CTNNA1: variants seen among roughly 807,000 people sequenced by gnomAD.
CTNNA1 encodes the protein catenin alpha 1.
CTNNA1 carries 37 observed loss-of-function variants against 98.4 expected under a neutral mutation model. The observed-to-expected ratio is 0.38, with a 90% CI of 0.29 to 0.49. The LOEUF is 0.49. CTNNA1 is among the 20% of genes least tolerant of loss of function. CTNNA1 has a pLI of 0.95. For missense variants in CTNNA1, 761 were observed against 1,147.2 expected (o/e 0.66, Z 4.86); for synonymous variants, 404 against 413.2 (o/e 0.98, Z 0.27).
At chr5:138,885,867 G>A (rs1753917489) in intron 7 of CTNNA1, among the ~76,000 whole-genome samples, 1 of 152,130 alleles carries the variant, frequency 6.6e-6, no homozygotes, top group Non-Finnish European at 1.5e-5. Context: ...AGTTCAAGGA[G>A]AGCTGCTTCA....
At chr5:138,770,194 T>C (rs1163582860) in intron 1 of CTNNA1, among the ~76,000 whole-genome samples, 1 of 152,238 alleles carries the variant, frequency 6.6e-6, no homozygotes, top group Non-Finnish European at 1.5e-5. Context: ...GTCCAATTGT[T>C]CTAAAACAAA....
At chr5:138,782,085 G>A (rs1755175808) in intron 2 of CTNNA1, 56 bp downstream of exon 2, 17 of 1,529,098 alleles carry the variant, frequency 1.1e-5, no homozygotes, top group Non-Finnish European at 1.5e-5. Flanking sequence ...ACAGGCCTGG[G>A]TAACAACCAT....
chr5:138,898,158 A>AC (rs201549123), intron 9 of CTNNA1, among the ~76,000 whole-genome samples: 3,189 of 61,252 alleles, frequency 0.052, 55 homozygotes, highest in Non-Finnish European at 0.073. Context: ...TTCCTCCCCC[A>AC]CCCCCCCCCA....
intron 7 of CTNNA1, among the ~76,000 whole-genome samples, chr5:138,883,807 G>A (rs946452517): frequency 1.3e-5 from 2 of 152,170 alleles, no homozygotes; most frequent in Non-Finnish European, 1.5e-5. Context: ...GTATCTTAAG[G>A]AATATGCTGA....
intron 7 of CTNNA1, among the ~76,000 whole-genome samples, chr5:138,845,502 C>CA (rs1762631065): frequency 6.6e-6 from 1 of 152,218 alleles, no homozygotes; most frequent in African/African-American, 2.4e-5. Flanking sequence ...TACTGTTTGT[C>CA]ACGTAGATAG....
At chr5:138,910,146 G>A (rs1489408075) in intron 10 of CTNNA1, among the ~76,000 whole-genome samples, 1 of 151,412 alleles carries the variant, frequency 6.6e-6, no homozygotes, top group African/African-American at 2.4e-5. Context: ...CCCCACAGAG[G>A]TGCTGTGCTC....
At chr5:138,825,482 G>GGTTTTTTTTTTTTTTTTTT (rs1760578153) in intron 6 of CTNNA1, among the ~76,000 whole-genome samples, 1 of 74,114 alleles carries the variant, frequency 1.3e-5, no homozygotes, top group African/African-American at 5.8e-5. Context: ...AGCAGTATAA[G>GGTTTTTTTTTTTTTTTTTT]TTTTTTTTTT....
At position 138,874,591 on chromosome 5, in the gene CTNNA1, G is replaced by A. The variant is rs1435117559; in HGVS notation, c.1063-11621G>A. The stretch of plus-strand genomic sequence containing the variant: ...ATAATTTAAGGAAAACAAGAAGATA[G>A]GATATTTTTCAGCAGAACATATGGG... On this transcript the variant is annotated intron_variant, in intron 7 of 17. Coordinates refer to ENST00000302763, the MANE Select transcript of CTNNA1 (RefSeq NM_001903.5). The surrounding 1 kb of genome is among the most constrained non-coding windows in gnomAD (Gnocchi z 4.1). The A allele has an allele frequency of 5.9e-6, 8 of 1,363,120 alleles. No individual in the cohort carries two copies. The highest frequency in any genetic ancestry group is 1.5e-5 in the South Asian group (1 of 68,534). The allele number at this position is 1,363,120 out of a possible 1,614,324, so 84.4% of individuals were successfully genotyped here. A position where few individuals can be genotyped will look rare whatever the true frequency, so the allele number is the denominator to read the frequency against.
intron 1 of CTNNA1, among the ~76,000 whole-genome samples, chr5:138,760,766 T>C (rs573210412): frequency 2.0e-5 from 3 of 152,338 alleles, no homozygotes; most frequent in African/African-American, 7.2e-5. Context: ...AAATGTACTT[T>C]ATCATCACCT....
At chr5:138,779,722 TG>T (rs367658555) in intron 1 of CTNNA1, among the ~76,000 whole-genome samples, 3,109 of 21,526 alleles carry the variant, frequency 0.14, 66 homozygotes, top group East Asian at 0.45. Flanking sequence ...TTTTTGTTTT[TG>T]TTTTTTTTTT....
chr5:138,783,501 T>C (rs894703416), intron 3 of CTNNA1, 129 bp downstream of exon 3: 22 of 728,646 alleles, frequency 3.0e-5, no homozygotes, highest in Non-Finnish European at 4.5e-5. Flanking sequence ...ACTTAGTTAT[T>C]GGAGATGTAT....
chr5:138,857,415 A>G (rs886594920), intron 7 of CTNNA1, among the ~76,000 whole-genome samples: 2 of 152,152 alleles, frequency 1.3e-5, no homozygotes, highest in Admixed American at 6.5e-5. Context: ...GTACCCAGCC[A>G]TATTGAAATC....
At chr5:138,804,395 A>C (rs1045808350) in intron 3 of CTNNA1, among the ~76,000 whole-genome samples, 3 of 152,274 alleles carry the variant, frequency 2.0e-5, no homozygotes, top group Admixed American at 1.3e-4. Context: ...TGCAGCCATC[A>C]CCACTGTGTA....
At chr5:138,861,213 G>T (rs1471613425) in intron 7 of CTNNA1, among the ~76,000 whole-genome samples, 1 of 152,050 alleles carries the variant, frequency 6.6e-6, no homozygotes, top group South Asian at 2.1e-4. Context: ...TAGAGACGGG[G>T]TTTCACCATG....
In CTNNA1 at chr5:138,884,190, G is replaced by A. The variant is rs73263488; in HGVS notation, c.1063-2022G>A. Among the ~76,000 whole-genome samples the A allele has an allele frequency of 2.2e-3, 331 of 152,292 alleles. 2 individuals carry two copies. Among genetic ancestry groups the A allele is most frequent in the African/African-American group, 7.6e-3 (314 of 41,562 alleles). On this transcript the variant is annotated intron_variant, in intron 7 of 17. Transcript: ENST00000302763. ...GGACAGTTTGAAAGGGTTGGTGGGG[G>A]GCTTCCAGGTCATAGGTGGATTCAA...
At chr5:138,881,249 G>T (rs1476323956) in intron 7 of CTNNA1, 13 of 383,158 alleles carry the variant, frequency 3.4e-5, no homozygotes, top group African/African-American at 1.5e-4. Flanking sequence ...TCTTTGAAAA[G>T]AATTTGGGAA....
chr5:138,917,270 A>G (rs924222912), intron 10 of CTNNA1, among the ~76,000 whole-genome samples: 9 of 152,274 alleles, frequency 5.9e-5, no homozygotes, highest in Non-Finnish European at 1.3e-4. Context: ...ATGGATAACC[A>G]GAACAACCCA....
chr5:138,803,588 C>T (rs906695), intron 3 of CTNNA1, among the ~76,000 whole-genome samples: 103,673 of 152,028 alleles, frequency 0.68, 35,568 homozygotes, highest in East Asian at 0.93. Context: ...CTTCCTTGGC[C>T]TTCCATAATC....
chr5:138,824,737 G>A lies in CTNNA1; in HGVS notation c.796G>A (p.Asp266Asn), dbSNP rs911099877. 1.2e-6 allele frequency: 2 copies of A among 1,614,172 alleles called. No homozygotes were observed. The highest frequency in any genetic ancestry group is 1.6e-4 in the Middle Eastern group (1 of 6,062). ...TGCAGCCCAGGCCACTGCCTCAGAC[G>A]ATGCCTCACAGCACCAGGGTGGAGG... Reference protein sequence around the residue: ...SNAAQATASDDASQHQGGGGG... With the variant: ...SNAAQATASDNASQHQGGGGG... The change falls in exon 6 of 18, where the codon GAT becomes AAT. Residue 266 changes from aspartate to asparagine, a missense_variant. Around this residue, in one of 6 missense-constraint regions of CTNNA1, gnomAD observed 328 missense variants for 354.3 expected, o/e 0.93. Coordinates refer to ENST00000302763, the MANE Select transcript of CTNNA1 (RefSeq NM_001903.5).
Sources: allele counts gnomAD v4.1 joint callset (sites outside exome capture counted in the v4.1 genomes callset), GRCh38; gene constraint gnomAD v4.1.1; regional missense constraint gnomAD v4.1.1; non-coding constraint Gnocchi (gnomAD v3.1); transcripts MANE v1.5; gene names NCBI Gene and HGNC (gene_info 2026-07-23, HGNC 2026-07-21).